Variants in TKT observed in about 807,000 individuals in gnomAD.
TKT encodes the protein epididymis luminal protein 107.
TKT carries 47 observed loss-of-function variants against 63.9 expected under a neutral mutation model. The ratio of observed to expected loss-of-function variants is 0.74; its 90% CI spans 0.58 to 0.94. The LOEUF (loss-of-function observed/expected upper bound fraction) is 0.94, where lower values mean the gene tolerates loss of function less well. Ranked by LOEUF, TKT falls within the 40% of genes least tolerant of loss-of-function variation. The pLI is 0.00. For synonymous variants in TKT, 338 were observed against 334.1 expected (o/e 1.01, Z -0.13); for missense variants, 721 against 846.2 (o/e 0.85, Z 1.84).
intron 1 of TKT, among the ~76,000 whole-genome samples, chr3:53,244,251 C>A (rs782179238): frequency 6.6e-6 from 1 of 152,352 alleles, no homozygotes; most frequent in East Asian, 1.9e-4. Flanking sequence ...GCTTAGGAGC[C>A]AGGTGTCCCC....
chr3:53,230,586 G>C lies in TKT; in HGVS notation c.978C>G (p.Ala326=). Residue 326 remains alanine, a synonymous_variant, in exon 8 of 14, where the codon GCC becomes GCG. Transcript: ENST00000462138. ...ATRKAYGQAL[A]KLGHASDRII... Reference sequence around the variant, plus strand: ...TGCGGTCACTGGCATGGCCCAGCTTGGCCAGTGCCTGCCCGTAGGCCTTGC... The same window carrying C: ...TGCGGTCACTGGCATGGCCCAGCTTCGCCAGTGCCTGCCCGTAGGCCTTGC... 6.2e-7 allele frequency: 1 copy of C among 1,614,240 alleles called. No individual in the cohort carries two copies. The highest frequency in any genetic ancestry group is 8.5e-7 in the Non-Finnish European group (1 of 1,180,050).
At chr3:53,240,011 A>T (rs993476565) in intron 4 of TKT, among the ~76,000 whole-genome samples, 2 of 152,244 alleles carry the variant, frequency 1.3e-5, no homozygotes, top group African/African-American at 4.8e-5. Flanking sequence ...TGGCCCTGCC[A>T]GTCACTGCTG....
chr3:53,241,524 G>A (rs62255990), intron 2 of TKT, among the ~76,000 whole-genome samples: 22,776 of 152,286 alleles, frequency 0.15, 1,912 homozygotes, highest in Non-Finnish European at 0.19. Flanking sequence ...GCAGGCAGCC[G>A]GCTGCCCTAA....
intron 4 of TKT, among the ~76,000 whole-genome samples, chr3:53,235,836 C>A (rs1705002607): frequency 6.6e-6 from 1 of 152,234 alleles, no homozygotes; most frequent in African/African-American, 2.4e-5. Flanking sequence ...ACCACAGGGG[C>A]CCTCTCCTCC....
intron 4 of TKT, among the ~76,000 whole-genome samples, 171 bp downstream of exon 4, chr3:53,240,080 G>T (rs1705204292): frequency 6.6e-6 from 1 of 152,266 alleles, no homozygotes; most frequent in African/African-American, 2.4e-5. Context: ...AAGGGGGCCG[G>T]TCATGGCACC....
intron 10 of TKT, 106 bp downstream of exon 10, chr3:53,228,901 C>A: frequency 1.3e-6 from 2 of 1,503,884 alleles, no homozygotes; most frequent in South Asian, 2.6e-5. Context: ...GGGGCAAGGT[C>A]AGGAAACACC....
rs1704753590 is a variant in TKT at position 53,231,443 on chromosome 3, C to T, written c.856G>A (p.Ala286Thr). ...SQIQSKKKIL[A>T]TPPQEDAPSV... ...GGTGCGTCCTCCTGTGGAGGGGTTG[C>T]CAGGATCTTCTTTTTGCTCTGGATC... The change falls in exon 7 of 14, where the codon GCA becomes ACA. Residue 286 changes from alanine (A) to threonine (T), a missense_variant. By Grantham distance (58) the Ala-to-Thr change is moderately conservative. Transcript: ENST00000462138. 1.2e-6 allele frequency: 2 copies of T among 1,614,164 alleles called. No homozygotes were observed. The highest frequency in any genetic ancestry group is 1.3e-5 in the African/African-American group (1 of 75,060).
At chr3:53,234,170 T>C (rs978955640) in intron 5 of TKT, 2 of 152,288 alleles carry the variant, frequency 1.3e-5, no homozygotes, top group Non-Finnish European at 2.9e-5. Flanking sequence ...TTTCCTCCCT[T>C]CCTCCTCTCC....
At chr3:53,226,988 C>G in intron 12 of TKT, 110 bp from the exon 13 acceptor site, 1 of 1,360,136 alleles carries the variant, frequency 7.4e-7, no homozygotes, top group Non-Finnish European at 9.9e-7. Flanking sequence ...AAGAGCTCAG[C>G]CTGCGGGCCT....
At chr3:53,231,645 G>A (rs989557757) in intron 6 of TKT, 95 bp from the exon 7 acceptor site, 36 of 1,286,390 alleles carry the variant, frequency 2.8e-5, no homozygotes, top group Non-Finnish European at 3.5e-5. Flanking sequence ...TCTACCTGCC[G>A]AGGGCAAGGG....
chr3:53,245,611 C>T (rs1174104094), intron 1 of TKT, among the ~76,000 whole-genome samples: 3 of 152,054 alleles, frequency 2.0e-5, no homozygotes, highest in African/African-American at 4.8e-5. Flanking sequence ...ATGGTGAAAC[C>T]CCGTCTCTAC....
intron 5 of TKT, 26 bp downstream of exon 5, chr3:53,234,957 C>T: frequency 1.3e-6 from 2 of 1,585,770 alleles, no homozygotes; most frequent in Non-Finnish European, 8.6e-7. Flanking sequence ...GCTGTGACCA[C>T]ACTCAGGCCA....
intron 8 of TKT, 149 bp downstream of exon 8, chr3:53,230,308 G>A: frequency 1.0e-6 from 1 of 1,000,834 alleles, no homozygotes; most frequent in Non-Finnish European, 1.5e-6. Flanking sequence ...TTCAAGGTCA[G>A]GGGTTAACGC....
chr3:53,241,592 C>T (rs1553679876), intron 2 of TKT, among the ~76,000 whole-genome samples: 1 of 152,210 alleles, frequency 6.6e-6, no homozygotes. Flanking sequence ...AAAGCCTGCC[C>T]GAGAGACCAA....
intron 5 of TKT, 109 bp downstream of exon 5, chr3:53,234,874 A>G (rs1161388005): frequency 4.6e-5 from 52 of 1,129,616 alleles, no homozygotes; most frequent in East Asian, 1.3e-4. Flanking sequence ...GGACCTTTAG[A>G]TGGTGCTTAA....
intron 1 of TKT, among the ~76,000 whole-genome samples, chr3:53,243,918 G>A (rs9858502): frequency 0.081 from 12,378 of 152,254 alleles, 1,707 homozygotes; most frequent in African/African-American, 0.28. Flanking sequence ...GAACAAGGAC[G>A]GTAAGTGCAG....
intron 1 of TKT, among the ~76,000 whole-genome samples, chr3:53,251,148 G>C (rs1705727118): frequency 6.6e-6 from 1 of 152,232 alleles, no homozygotes; most frequent in South Asian, 2.1e-4. Flanking sequence ...CCACCAGCCA[G>C]GACTGGCCAG....
At position 53,229,325 on chromosome 3, in the gene TKT, C is replaced by G; in HGVS notation, c.1219G>C (p.Glu407Gln). Residue 407 changes from glutamate to glutamine, a missense_variant, in exon 9 of 14, where the codon GAG becomes CAG. Physicochemically the swap from Glu to Gln is conservative, Grantham distance 29 (BLOSUM62 2). Coordinates refer to ENST00000462138, the MANE Select transcript of TKT (RefSeq NM_001064.4). ...FDQIRMAAISESNINLCGSHC... is the reference protein window; with the variant it reads ...FDQIRMAAISQSNINLCGSHC... ...GAGCCGCAGAGGTTGATGTTGCTCT[C>G]GGAGATGGCGGCCATGCGAATCTGG... The G allele has an allele frequency of 6.2e-7, 1 of 1,614,002 alleles. No individual in the cohort carries two copies.
Position 53,228,036 on chromosome 3 carries a change from T to G in TKT, c.1573+20A>C, listed in dbSNP as rs1553675947. The G allele has an allele frequency of 1.2e-6, 2 of 1,610,326 alleles. No homozygotes were observed. The highest frequency in any genetic ancestry group is 1.7e-6 in the Non-Finnish European group (2 of 1,178,310). ...GCAGTGGCCGCTCAGTTGATGACTT[T>G]GGAGGCCCCTTCTCCTCACCTTTCT... On this transcript the variant is annotated intron_variant, in intron 12 of 13. Transcript: ENST00000462138.
Sources: allele counts gnomAD v4.1 joint callset (sites outside exome capture counted in the v4.1 genomes callset), GRCh38; gene constraint gnomAD v4.1.1; transcripts MANE v1.5; gene names NCBI Gene and HGNC (gene_info 2026-07-23, HGNC 2026-07-21).